APP: variants seen among roughly 807,000 people sequenced by gnomAD.
APP encodes amyloid-beta precursor protein.
Under a neutral mutation model 101.4 loss-of-function variants are expected in APP, and 31 were observed. That is an observed-to-expected ratio of 0.31 (90% CI 0.23 to 0.41). The LOEUF is 0.41. Ranked by LOEUF, APP falls within the 10% of genes least tolerant of loss-of-function variation. The pLI is 1.00. For missense variants in APP, 839 were observed against 1,003.7 expected, an observed-to-expected ratio of 0.84 and a Z score of 2.22; for synonymous variants, 366 against 364.4, an observed-to-expected ratio of 1.00 and a Z score of -0.05.
chr21:26,063,819 C>T (rs2046361564), intron 3 of APP, among the ~76,000 whole-genome samples: 1 of 152,202 alleles, frequency 6.6e-6, no homozygotes, highest in Admixed American at 6.5e-5. Context: ...TGCAAACTGA[C>T]TTCCTTCCAA....
intron 5 of APP, among the ~76,000 whole-genome samples, chr21:26,032,808 AT>A (rs201946093): frequency 0.031 from 2,617 of 83,700 alleles, 34 homozygotes; most frequent in Non-Finnish European, 0.048. Context: ...AAAAAAAAAT[AT>A]ATATATATAT....
intron 17 of APP, among the ~76,000 whole-genome samples, chr21:25,887,188 T>C (rs530743340): frequency 6.6e-6 from 1 of 152,254 alleles, no homozygotes; most frequent in African/African-American, 2.4e-5. Flanking sequence ...AATACGTATT[T>C]TTAAATATCC....
chr21:25,982,090 G>C (rs892038187), intron 9 of APP, among the ~76,000 whole-genome samples: 2 of 152,042 alleles, frequency 1.3e-5, no homozygotes, highest in African/African-American at 4.8e-5. Flanking sequence ...ACCTTTCTTC[G>C]CCAGAGAGAA....
chr21:26,130,406 C>A (rs2830077), intron 1 of APP, among the ~76,000 whole-genome samples: 59,336 of 152,104 alleles, frequency 0.39, 14,108 homozygotes, highest in Non-Finnish European at 0.53. Flanking sequence ...CTTCCAGGCA[C>A]AAGCCAGGCA....
At chr21:25,902,364 A>G (rs573226714) in intron 15 of APP, among the ~76,000 whole-genome samples, 54 of 152,224 alleles carry the variant, frequency 3.5e-4, no homozygotes, top group Non-Finnish European at 2.8e-4. Context: ...CTATGCTACA[A>G]AACACGGGGA....
chr21:25,934,409 G>A (rs538129994), intron 13 of APP: 1 of 152,052 alleles, frequency 6.6e-6, no homozygotes, highest in Non-Finnish European at 1.5e-5. Flanking sequence ...AAGAATTTCT[G>A]GTTATAATAA....
chr21:25,929,577 A>T (rs2040053434), intron 13 of APP, among the ~76,000 whole-genome samples: 1 of 152,202 alleles, frequency 6.6e-6, no homozygotes, highest in Admixed American at 6.5e-5. Flanking sequence ...CTCCAGTTTC[A>T]TTCCTTTTTC....
intron 6 of APP, among the ~76,000 whole-genome samples, chr21:26,014,099 CAT>C (rs1457390921): frequency 2.0e-5 from 3 of 152,132 alleles, no homozygotes; most frequent in African/African-American, 7.2e-5. Flanking sequence ...AAGGAGGAGC[CAT>C]TACCCTTTTG....
intron 17 of APP, among the ~76,000 whole-genome samples, chr21:25,889,171 A>G (rs2037531218): frequency 6.6e-6 from 1 of 152,188 alleles, no homozygotes; most frequent in Admixed American, 6.5e-5. Context: ...CTGTGACTGT[A>G]TTTGCAGATA....
At chr21:25,977,528 A>C (rs925109915) in intron 9 of APP, among the ~76,000 whole-genome samples, 3 of 152,222 alleles carry the variant, frequency 2.0e-5, no homozygotes, top group Admixed American at 2.0e-4. Flanking sequence ...TATAGATAGA[A>C]GACTTCTATG....
At chr21:26,006,689 C>A (rs2043545359) in intron 6 of APP, among the ~76,000 whole-genome samples, 1 of 152,102 alleles carries the variant, frequency 6.6e-6, no homozygotes, top group Admixed American at 6.6e-5. Flanking sequence ...GGTTAGAAAG[C>A]TGATTTTACA....
rs533688841 is a variant in APP at position 25,974,338 on chromosome 21, G to C, written c.1458+732C>G. Among the ~76,000 whole-genome samples the C allele has an allele frequency of 9.9e-5, 15 of 152,238 alleles. No individual in the cohort carries two copies. In the East Asian group the frequency reaches 2.9e-3, roughly 29 times the overall value. The stretch of plus-strand genomic sequence containing the variant: ...CCTTTGCCATGGTCTGAATGTTTGT[G>C]TCTCTCCCACCCCCAATTCATATGT... On this transcript the variant is annotated intron_variant, in intron 11 of 17. Transcript: ENST00000346798.
At chr21:25,993,037 G>A (rs937556218) in intron 8 of APP, among the ~76,000 whole-genome samples, 2 of 152,166 alleles carry the variant, frequency 1.3e-5, no homozygotes, top group African/African-American at 2.4e-5. Context: ...TGGGGTTAAG[G>A]TGGCATATTC....
At chr21:26,055,103 A>G (rs1398008431) in intron 3 of APP, among the ~76,000 whole-genome samples, 1 of 152,190 alleles carries the variant, frequency 6.6e-6, no homozygotes, top group African/African-American at 2.4e-5. Context: ...TGCCCATAGC[A>G]GTATAGTGTG....
In APP at chr21:25,931,789, T is replaced by C. The variant is rs528637763; in HGVS notation, c.1688-19827A>G. Reference sequence around the variant, plus strand: ...GAAAATATGGGGGAGAAAGGTTCTGTTTACACATGTTGAGTTGCAATCTTT... The same window carrying C: ...GAAAATATGGGGGAGAAAGGTTCTGCTTACACATGTTGAGTTGCAATCTTT... On this transcript the variant is annotated intron_variant, in intron 13 of 17. Coordinates refer to ENST00000346798, the MANE Select transcript of APP (RefSeq NM_000484.4). Among the ~76,000 whole-genome samples the C allele has an allele frequency of 2.0e-4, 31 of 152,246 alleles. 1 individual carries two copies. The South Asian group carries it at 6.2e-3, about 31-fold the overall frequency.
chr21:26,056,938 CTT>C (rs900097401), intron 3 of APP, among the ~76,000 whole-genome samples: 4 of 152,296 alleles, frequency 2.6e-5, no homozygotes, highest in African/African-American at 9.6e-5. Context: ...TTTTTAAAAA[CTT>C]TTAATAAGCG....
intron 1 of APP, among the ~76,000 whole-genome samples, chr21:26,133,130 T>C (rs1312251556): frequency 6.6e-6 from 1 of 152,028 alleles, no homozygotes; most frequent in East Asian, 1.9e-4. Context: ...CCCAGCTACT[T>C]AGGAGGCTGT....
At chr21:25,976,200 A>C (rs896056707) in intron 9 of APP, among the ~76,000 whole-genome samples, 172 bp from the exon 10 acceptor site, 1 of 152,216 alleles carries the variant, frequency 6.6e-6, no homozygotes, top group Non-Finnish European at 1.5e-5. Context: ...CTAGGATATA[A>C]ATAATTAATC....
intron 1 of APP, among the ~76,000 whole-genome samples, chr21:26,118,639 GC>G (rs1484936153): frequency 6.6e-6 from 1 of 152,084 alleles, no homozygotes; most frequent in Non-Finnish European, 1.5e-5. Context: ...CGCAACCTCT[GC>G]CTCCTGGGTT....
Sources: allele counts gnomAD v4.1 joint callset (sites outside exome capture counted in the v4.1 genomes callset), GRCh38; gene constraint gnomAD v4.1.1; transcripts MANE v1.5; gene names NCBI Gene and HGNC (gene_info 2026-07-23, HGNC 2026-07-21).